KIAA1217: variants seen among roughly 807,000 people sequenced by gnomAD.
KIAA1217 encodes KIAA1217, also known as sickle tail protein homolog.
Under a neutral mutation model 163.9 loss-of-function variants are expected in KIAA1217, and 88 were observed. That is an observed-to-expected ratio of 0.54 (90% confidence interval 0.45 to 0.64). KIAA1217 has a LOEUF of 0.64. Among genes scored for constraint, KIAA1217 ranks in the 30% least tolerant of loss-of-function variants. KIAA1217 has a pLI of 0.00. For synonymous variants in KIAA1217, 903 were observed against 923.1 expected (o/e 0.98, Z 0.39); for missense variants, 2,372 against 2,475.0 (o/e 0.96, Z 0.88).
intron 2 of KIAA1217, among the ~76,000 whole-genome samples, chr10:24,378,427 C>T (rs1443064475): frequency 6.6e-6 from 1 of 152,180 alleles, no homozygotes; most frequent in East Asian, 1.9e-4. Context: ...TTCCTCCTCC[C>T]CTGATGCCCC....
intron 8 of KIAA1217, among the ~76,000 whole-genome samples, chr10:24,500,178 AAC>A (rs2067347476): frequency 7.1e-6 from 1 of 139,906 alleles, no homozygotes; most frequent in African/African-American, 2.7e-5. Flanking sequence ...AAGAGAACTG[AAC>A]AGAAGTGTGT....
chr10:23,844,964 C>T (rs12244975), intron 1 of KIAA1217, among the ~76,000 whole-genome samples: 1,972 of 152,210 alleles, frequency 0.013, 61 homozygotes, highest in African/African-American at 0.045. Flanking sequence ...TCAACTCCCA[C>T]TTATGAGTGA....
intron 2 of KIAA1217, among the ~76,000 whole-genome samples, chr10:24,328,669 CT>C (rs1485997125): frequency 6.6e-6 from 1 of 151,876 alleles, no homozygotes; most frequent in African/African-American, 2.4e-5. Context: ...TCCTCCTCTC[CT>C]TTTTATAACC....
intron 1 of KIAA1217, among the ~76,000 whole-genome samples, chr10:23,847,471 A>G (rs1027696313): frequency 5.9e-5 from 9 of 152,198 alleles, no homozygotes; most frequent in African/African-American, 2.2e-4. Context: ...GTATGTGTCC[A>G]GGAATTTATC....
chr10:23,730,559 A>G (rs1393971651), intron 1 of KIAA1217, among the ~76,000 whole-genome samples: 1 of 152,090 alleles, frequency 6.6e-6, no homozygotes, highest in Admixed American at 6.6e-5. Flanking sequence ...TTTTGATGGC[A>G]TTTAATTTAT....
In KIAA1217 at chr10:24,494,574, C is replaced by A; in HGVS notation, c.1754C>A (p.Pro585His). 1 of 1,612,210 alleles carries A rather than the reference C, an allele frequency of 6.2e-7. No homozygotes were observed. The highest frequency in any genetic ancestry group is 8.5e-7 in the Non-Finnish European group (1 of 1,178,962). The change falls in exon 7 of 21, where the codon CCC (proline) becomes CAC (histidine). Residue 585 changes from proline to histidine, a missense_variant. By Grantham distance (77) the Pro-to-His change is moderately conservative. This residue lies in a region of KIAA1217 where 1,431 missense variants were observed against 1,470.3 expected (regional missense o/e 0.97). Transcript: ENST00000376454. Reference sequence around the variant, plus strand: ...GTTCAGTCTGCGCTTTTTAAAGGGCCCATTACAAGTTATAGCAAAGATGCG... The same window carrying A: ...GTTCAGTCTGCGCTTTTTAAAGGGCACATTACAAGTTATAGCAAAGATGCG... Reference protein sequence around the residue: ...GLVQSALFKGPITSYSKDASS... With the variant: ...GLVQSALFKGHITSYSKDASS...
At chr10:23,935,521 A>G (rs895570064) in intron 1 of KIAA1217, among the ~76,000 whole-genome samples, 1 of 152,222 alleles carries the variant, frequency 6.6e-6, no homozygotes, top group Admixed American at 6.5e-5. Context: ...AGATGATTGT[A>G]TCTCTCAGAC....
intron 1 of KIAA1217, among the ~76,000 whole-genome samples, chr10:23,745,756 T>C (rs1839374479): frequency 6.6e-6 from 1 of 152,148 alleles, no homozygotes; most frequent in Non-Finnish European, 1.5e-5. Flanking sequence ...GAGCCCATGG[T>C]AGAGTGAATG....
At chr10:23,896,705 C>T (rs1452611814) in intron 1 of KIAA1217, among the ~76,000 whole-genome samples, 1 of 152,096 alleles carries the variant, frequency 6.6e-6, no homozygotes, top group Non-Finnish European at 1.5e-5. Context: ...AAGTCTTGAG[C>T]AGCCAAACTT....
chr10:24,211,536 TA>T (rs2068091592), intron 1 of KIAA1217, among the ~76,000 whole-genome samples: 2 of 5,944 alleles, frequency 3.4e-4, no homozygotes, highest in African/African-American at 5.9e-4. Flanking sequence ...TGCATGGTTG[TA>T]TTGTATTGTA....
At chr10:24,303,882 A>G (rs1032427638) in intron 2 of KIAA1217, among the ~76,000 whole-genome samples, 16 of 152,196 alleles carry the variant, frequency 1.1e-4, no homozygotes, top group South Asian at 2.1e-4. Context: ...GGATCTTCAT[A>G]TTCTTTTTCA....
chr10:24,465,652 G>A (rs568997955), intron 5 of KIAA1217, among the ~76,000 whole-genome samples: 7 of 152,308 alleles, frequency 4.6e-5, no homozygotes, highest in South Asian at 2.1e-4. Context: ...GCCTGGGAGC[G>A]CAGGAGATGC....
intron 2 of KIAA1217, among the ~76,000 whole-genome samples, chr10:24,301,102 C>G (rs78954336): frequency 3.3e-5 from 5 of 152,064 alleles, no homozygotes; most frequent in Non-Finnish European, 7.4e-5. Flanking sequence ...TGTGAGCCCC[C>G]GCAACTGGCC....
At chr10:24,290,638 C>G (rs1393717713) in intron 2 of KIAA1217, among the ~76,000 whole-genome samples, 1 of 149,026 alleles carries the variant, frequency 6.7e-6, no homozygotes, top group Non-Finnish European at 1.5e-5. Context: ...GAGTCTTGCT[C>G]TGTCACCCAG....
At chr10:24,049,718 T>C (rs1461455351) in intron 2 of KIAA1217, among the ~76,000 whole-genome samples, 1 of 152,198 alleles carries the variant, frequency 6.6e-6, no homozygotes, top group Non-Finnish European at 1.5e-5. Context: ...TGATGGACAT[T>C]TGGGTTGGTT....
At chr10:23,771,022 G>A (rs1284709773) in intron 1 of KIAA1217, among the ~76,000 whole-genome samples, 1 of 152,074 alleles carries the variant, frequency 6.6e-6, no homozygotes, top group Non-Finnish European at 1.5e-5. Context: ...CTTGATACAA[G>A]TCATCAAGAT....
At chr10:24,094,586 C>G (rs1254316645) in intron 2 of KIAA1217, among the ~76,000 whole-genome samples, 1 of 152,192 alleles carries the variant, frequency 6.6e-6, no homozygotes, top group Non-Finnish European at 1.5e-5. Context: ...GATTGTTCCT[C>G]TGGAAGTTTT....
At chr10:24,500,440 T>C (rs1161452887) in intron 8 of KIAA1217, among the ~76,000 whole-genome samples, 1 of 151,784 alleles carries the variant, frequency 6.6e-6, no homozygotes, top group African/African-American at 2.4e-5. Context: ...GTAACATGGA[T>C]CCAGCCTCTA....
chr10:24,520,904 A>C, intron 11 of KIAA1217, among the ~76,000 whole-genome samples: 1 of 149,504 alleles, frequency 6.7e-6, no homozygotes, highest in South Asian at 2.1e-4. Context: ...TAAATTAAAA[A>C]CCTGTAACCA....
Sources: gnomAD v4.1 joint callset for allele counts (sites outside exome capture counted in the v4.1 genomes callset) on GRCh38, gnomAD v4.1.1 for gene constraint, gnomAD v4.1.1 regional missense constraint, MANE v1.5 for transcripts, NCBI Gene and HGNC (gene_info 2026-07-23, HGNC 2026-07-21) for gene names.